HP1BP3: variants seen among roughly 807,000 people sequenced by gnomAD.
The protein encoded by HP1BP3 is heterochromatin protein 1 binding protein 3.
In HP1BP3, 12 loss-of-function variants were observed where a neutral mutation model predicts 62.5. That is an observed-to-expected ratio of 0.19 (90% CI 0.12 to 0.31). The LOEUF (loss-of-function observed/expected upper bound fraction) is 0.31, where lower values mean the gene tolerates loss of function less well. Among genes scored for constraint, HP1BP3 ranks in the 10% least tolerant of loss-of-function variants. The probability of loss-of-function intolerance (pLI) is 1.00; values close to 1 mark genes in which losing one functional copy is unlikely to be tolerated. For missense variants in HP1BP3, 502 were observed against 651.8 expected (o/e 0.77, Z 2.50); for synonymous variants, 260 against 237.8 (o/e 1.09, Z -0.86).
intron 4 of HP1BP3, chr1:20,776,376 G>C (rs2057304506): frequency 2.2e-6 from 1 of 456,658 alleles, no homozygotes; most frequent in Non-Finnish European, 3.8e-6. Context: ...CAATGACAAA[G>C]ACTTTTGGAT....
intron 8 of HP1BP3, among the ~76,000 whole-genome samples, chr1:20,764,833 C>T (rs554267102): frequency 6.6e-6 from 1 of 151,702 alleles, no homozygotes; most frequent in Non-Finnish European, 1.5e-5. Flanking sequence ...TGAGACTGCG[C>T]TATTGCACTC....
chr1:20,775,625 T>C (rs995025924), intron 4 of HP1BP3: 7 of 181,524 alleles, frequency 3.9e-5, no homozygotes, highest in South Asian at 1.9e-4. Flanking sequence ...TCCTTTAAGG[T>C]CCATTCATGG....
At chr1:20,750,037 C>G (rs561239041) in intron 9 of HP1BP3, 155 bp from the exon 10 acceptor site, 2 of 1,396,600 alleles carry the variant, frequency 1.4e-6, no homozygotes, top group East Asian at 5.2e-5. Flanking sequence ...TCTTCCCATT[C>G]AACAGGTATT....
At chr1:20,772,759 A>C (rs566492448) in intron 5 of HP1BP3, among the ~76,000 whole-genome samples, 14 of 152,352 alleles carry the variant, frequency 9.2e-5, no homozygotes, top group African/African-American at 2.9e-4. Context: ...GATCATATGA[A>C]CTAAACAAGG....
At chr1:20,748,531 G>A (rs2055490616) in intron 10 of HP1BP3, among the ~76,000 whole-genome samples, 1 of 152,196 alleles carries the variant, frequency 6.6e-6, no homozygotes, top group Non-Finnish European at 1.5e-5. Flanking sequence ...CAGATCACGA[G>A]GTAAGGAGAT....
intron 10 of HP1BP3, among the ~76,000 whole-genome samples, chr1:20,748,571 C>T (rs970701647): frequency 1.3e-5 from 2 of 152,072 alleles, no homozygotes; most frequent in African/African-American, 4.8e-5. Context: ...ACGGTGAAAC[C>T]CTGTCTCTAC....
In HP1BP3 at chr1:20,742,820, A is replaced by C. The variant is rs547594839; in HGVS notation, c.*1977T>G. 1 of 152,772 alleles carries C rather than the reference A, an allele frequency of 6.5e-6. No individual in the cohort carries two copies. The highest frequency in any genetic ancestry group is 2.1e-4 in the South Asian group (1 of 4,828). 9.5% of individuals were successfully genotyped at this position (152,772 alleles called of 1,614,324 possible). On this transcript the variant is annotated 3_prime_UTR_variant, in exon 13 of 13. Transcript: ENST00000438032. ...TGGGATCACACATGATTATGATCTAATTCAAGCCAATCTTCTCAAGTCCAT... is the reference window on the plus strand; with the variant it reads ...TGGGATCACACATGATTATGATCTACTTCAAGCCAATCTTCTCAAGTCCAT...
At chr1:20,757,942 G>A (rs528739301) in intron 8 of HP1BP3, among the ~76,000 whole-genome samples, 7 of 151,858 alleles carry the variant, frequency 4.6e-5, no homozygotes, top group Non-Finnish European at 8.8e-5. Context: ...TCAGGAGTTC[G>A]AGACCAGCCT....
chr1:20,777,948 A>G (rs1344063902), intron 3 of HP1BP3, among the ~76,000 whole-genome samples: 1 of 152,218 alleles, frequency 6.6e-6, no homozygotes, highest in Non-Finnish European at 1.5e-5. Flanking sequence ...CTGGGGATAA[A>G]GATAATAACT....
intron 1 of HP1BP3, chr1:20,786,472 G>C (rs1570703512): frequency 6.6e-6 from 1 of 152,612 alleles, no homozygotes; most frequent in East Asian, 1.9e-4. Flanking sequence ...GCGCACGGCG[G>C]GGGAGAGCGC....
At chr1:20,776,811 G>A (rs2057324248) in intron 3 of HP1BP3, 61 bp from the exon 4 acceptor site, 22 of 1,439,312 alleles carry the variant, frequency 1.5e-5, no homozygotes, top group South Asian at 2.8e-5. Flanking sequence ...GTCAATAAAA[G>A]GTAAAAGCTT....
chr1:20,780,861 A>AG (rs1367825697), intron 1 of HP1BP3, among the ~76,000 whole-genome samples: 4 of 152,254 alleles, frequency 2.6e-5, no homozygotes, highest in Non-Finnish European at 5.9e-5. Context: ...AAAGAGACTA[A>AG]GGAACAGTTA....
intron 11 of HP1BP3, 125 bp downstream of exon 11, chr1:20,747,419 T>C: frequency 1.5e-6 from 1 of 649,412 alleles, no homozygotes; most frequent in Non-Finnish European, 2.7e-6. Flanking sequence ...ACCAATCCCC[T>C]ATATGTAACA....
At chr1:20,784,116 C>A (rs193085984) in intron 1 of HP1BP3, among the ~76,000 whole-genome samples, 280 of 152,004 alleles carry the variant, frequency 1.8e-3, no homozygotes, top group African/African-American at 6.4e-3. Flanking sequence ...ACTACAGGCA[C>A]GCACCGCCAT....
chr1:20,754,941 A>G (rs1049493368), intron 9 of HP1BP3, among the ~76,000 whole-genome samples: 3 of 152,336 alleles, frequency 2.0e-5, no homozygotes, highest in African/African-American at 4.8e-5. Flanking sequence ...TGCAAAAGCA[A>G]TTTTTAAAAA....
Position 20,765,548 on chromosome 1 carries a change from A to C in HP1BP3, c.736-17T>G, listed in dbSNP as rs1467709168. 6.3e-7 allele frequency: 1 copy of C among 1,597,988 alleles called. No individual in the cohort carries two copies. The highest frequency in any genetic ancestry group is 2.2e-5 in the East Asian group (1 of 44,530). On this transcript the variant is annotated splice_polypyrimidine_tract_variant and intron_variant, in intron 7 of 12. Transcript: ENST00000438032. The stretch of plus-strand genomic sequence containing the variant: ...GCTCCTATTCTGAAAAGTAATTATC[A>C]AAAATTATGATCATTATAGAACGTA...
rs949501585 is a variant in HP1BP3 at position 20,741,987 on chromosome 1, T to A, written c.*2810A>T. Among the ~76,000 whole-genome samples the A allele has an allele frequency of 2.0e-5, 3 of 152,178 alleles. No individual in the cohort carries two copies. The highest frequency in any genetic ancestry group is 7.2e-5 in the African/African-American group (3 of 41,440). ...ACAGTTGTGGATGTTCGTGGAAGAG[T>A]GCGATGACCTTCCTGTCTTTTCCCT... On this transcript the variant is annotated 3_prime_UTR_variant, in exon 13 of 13. Coordinates refer to ENST00000438032, the MANE Select transcript of HP1BP3 (RefSeq NM_001372052.1).
At chr1:20,759,460 T>C (rs2056331194) in intron 8 of HP1BP3, among the ~76,000 whole-genome samples, 1 of 152,226 alleles carries the variant, frequency 6.6e-6, no homozygotes, top group Admixed American at 6.5e-5. Context: ...TCCTTCTTTG[T>C]ATATGTTTGA....
intron 8 of HP1BP3, among the ~76,000 whole-genome samples, chr1:20,765,006 T>C (rs1458536323): frequency 1.3e-5 from 2 of 151,360 alleles, no homozygotes; most frequent in Non-Finnish European, 2.9e-5. Flanking sequence ...TTGGCTCTAC[T>C]AAAAATACAA....
Sources: gnomAD v4.1 joint callset for allele counts (sites outside exome capture counted in the v4.1 genomes callset) on GRCh38, gnomAD v4.1.1 for gene constraint, MANE v1.5 for transcripts, NCBI Gene and HGNC (gene_info 2026-07-23, HGNC 2026-07-21) for gene names.